The following NAALADL2 variants were observed in gnomAD, a reference collection of about 807,000 sequenced individuals.
The protein encoded by NAALADL2 is inactive N-acetylated-alpha-linked acidic dipeptidase-like protein 2.
In NAALADL2, 76 loss-of-function variants were observed where a neutral mutation model predicts 87.2. The ratio of observed to expected loss-of-function variants is 0.87; its 90% CI spans 0.72 to 1.05. NAALADL2 has a LOEUF of 1.05. Ranked by LOEUF, NAALADL2 falls within the 50% of genes least tolerant of loss-of-function variation. The probability of loss-of-function intolerance (pLI) is 0.00; values close to 1 mark genes in which losing one functional copy is unlikely to be tolerated. For missense variants in NAALADL2, 1,089 were observed against 945.8 expected, an observed-to-expected ratio of 1.15 and a Z score of -1.99; for synonymous variants, 354 against 331.0, an observed-to-expected ratio of 1.07 and a Z score of -0.75.
chr3:175,349,765 T>C (rs187433899), intron 5 of NAALADL2, among the ~76,000 whole-genome samples: 55 of 152,268 alleles, frequency 3.6e-4, no homozygotes, highest in African/African-American at 1.3e-3. Context: ...AGTAGCCATA[T>C]ACCCCCGTTT....
At chr3:175,387,394 T>G (rs562416778) in intron 5 of NAALADL2, among the ~76,000 whole-genome samples, 1 of 152,132 alleles carries the variant, frequency 6.6e-6, no homozygotes, top group African/African-American at 2.4e-5. Context: ...TGTGGTACAA[T>G]TGGTCTAGGA....
At chr3:175,771,861 G>C (rs181215298) in intron 13 of NAALADL2, among the ~76,000 whole-genome samples, 1 of 152,122 alleles carries the variant, frequency 6.6e-6, no homozygotes, top group Non-Finnish European at 1.5e-5. Context: ...TGGCTGTGGA[G>C]GCCTCAGGAA....
intron 3 of NAALADL2, among the ~76,000 whole-genome samples, chr3:174,792,782 G>T (rs761481611): frequency 2.6e-5 from 4 of 152,082 alleles, no homozygotes; most frequent in Non-Finnish European, 5.9e-5. Context: ...TTAAGAATAC[G>T]ATGCTATTCA....
chr3:175,201,262 A>G (rs1739978100), intron 2 of NAALADL2, among the ~76,000 whole-genome samples: 1 of 152,186 alleles, frequency 6.6e-6, no homozygotes. Flanking sequence ...AGAAGAGTAG[A>G]TATCTGGTTG....
chr3:175,750,638 C>T (rs1746512877), intron 12 of NAALADL2, among the ~76,000 whole-genome samples: 1 of 152,036 alleles, frequency 6.6e-6, no homozygotes, highest in South Asian at 2.1e-4. Flanking sequence ...AGATAACATC[C>T]CAGAACTTTC....
chr3:175,391,116 A>G (rs981203930), intron 5 of NAALADL2, among the ~76,000 whole-genome samples: 15 of 152,182 alleles, frequency 9.9e-5, no homozygotes, highest in African/African-American at 3.1e-4. Flanking sequence ...TTCCTCACCA[A>G]TGTAGACAAA....
chr3:175,074,877 G>A (rs927765531), intron 1 of NAALADL2, among the ~76,000 whole-genome samples: 3 of 151,912 alleles, frequency 2.0e-5, no homozygotes, highest in Non-Finnish European at 4.4e-5. Context: ...TTCGTAATAA[G>A]AGAAAAAGGA....
chr3:174,610,071 C>A (rs1436104527), intron 2 of NAALADL2, among the ~76,000 whole-genome samples: 1 of 151,666 alleles, frequency 6.6e-6, no homozygotes, highest in African/African-American at 2.4e-5. Context: ...GGAAAGGATT[C>A]CCTATTTAAT....
intron 1 of NAALADL2, among the ~76,000 whole-genome samples, chr3:174,484,003 G>A (rs1008195377): frequency 2.6e-5 from 4 of 152,048 alleles, no homozygotes; most frequent in African/African-American, 9.7e-5. Context: ...GGCTACAGAT[G>A]TTTGGCATGG....
chr3:175,667,233 A>AAGAAAGAAAG (rs1553945341), intron 11 of NAALADL2, among the ~76,000 whole-genome samples: 191 of 110,232 alleles, frequency 1.7e-3, no homozygotes, highest in Non-Finnish European at 2.8e-3. Context: ...GAAAGAAAGA[A>AAGAAAGAAAG]AGAAAGAAAA....
chr3:174,879,353 C>T (rs553904707), intron 1 of NAALADL2, among the ~76,000 whole-genome samples: 6 of 152,002 alleles, frequency 3.9e-5, no homozygotes, highest in Non-Finnish European at 8.8e-5. Flanking sequence ...TGTAGATTGG[C>T]ACAATACTGT....
At chr3:175,348,983 T>C (rs1285398390) in intron 5 of NAALADL2, among the ~76,000 whole-genome samples, 1 of 152,152 alleles carries the variant, frequency 6.6e-6, no homozygotes, top group Non-Finnish European at 1.5e-5. Flanking sequence ...TGGATACTTA[T>C]TCTAGTTTTT....
chr3:175,433,570 A>G (rs1438213600), intron 5 of NAALADL2, among the ~76,000 whole-genome samples: 1 of 152,050 alleles, frequency 6.6e-6, no homozygotes, highest in African/African-American at 2.4e-5. Flanking sequence ...TAACTGTGCC[A>G]CTATGGCCTT....
At chr3:175,351,550 A>G (rs908986531) in intron 5 of NAALADL2, among the ~76,000 whole-genome samples, 4 of 152,112 alleles carry the variant, frequency 2.6e-5, no homozygotes, top group African/African-American at 7.2e-5. Flanking sequence ...TTTGGACAAT[A>G]GAAGATAGAC....
chr3:175,327,674 G>C (rs1056193868), intron 5 of NAALADL2, among the ~76,000 whole-genome samples: 1 of 152,080 alleles, frequency 6.6e-6, no homozygotes, highest in Non-Finnish European at 1.5e-5. Context: ...AAAGAAAAGA[G>C]ATTTAGCCTT....
chr3:175,305,817 T>C lies in NAALADL2; in HGVS notation c.940-18358T>C, dbSNP rs112846071. Among the ~76,000 whole-genome samples the C allele has an allele frequency of 4.0e-3, 607 of 152,320 alleles. 5 individuals carry two copies. Among genetic ancestry groups the C allele is most frequent in the African/African-American group, 0.013 (547 of 41,576 alleles). Reference sequence around the variant, plus strand: ...GATTACAGGCGTGAGCCACCGCACCTGGCGTATTTATTTCTTTAATGTTTA... The same window carrying C: ...GATTACAGGCGTGAGCCACCGCACCCGGCGTATTTATTTCTTTAATGTTTA... On this transcript the variant is annotated intron_variant, in intron 4 of 13. Transcript: ENST00000454872.
At chr3:175,605,329 T>C (rs2149653283) in intron 10 of NAALADL2, among the ~76,000 whole-genome samples, 1 of 151,808 alleles carries the variant, frequency 6.6e-6, no homozygotes, top group African/African-American at 2.4e-5. Flanking sequence ...TCTACATATG[T>C]TTTCTAAGCT....
intron 2 of NAALADL2, among the ~76,000 whole-genome samples, chr3:175,109,160 G>A (rs1295656156): frequency 6.6e-6 from 1 of 151,736 alleles, no homozygotes; most frequent in African/African-American, 2.4e-5. Flanking sequence ...ACAGTGCAAG[G>A]GAGTTAGAAT....
chr3:175,159,822 T>C (rs1732863913), intron 2 of NAALADL2, among the ~76,000 whole-genome samples: 1 of 149,624 alleles, frequency 6.7e-6, no homozygotes, highest in Admixed American at 6.7e-5. Context: ...CCTTCCTTCC[T>C]CTCTCTCTCT....
Sources: allele counts gnomAD v4.1 joint callset (sites outside exome capture counted in the v4.1 genomes callset), GRCh38; gene constraint gnomAD v4.1.1; transcripts MANE v1.5; gene names NCBI Gene and HGNC (gene_info 2026-07-23, HGNC 2026-07-21).